The following TTLL11 variants were observed in gnomAD, a reference collection of about 807,000 sequenced individuals.
The protein encoded by TTLL11 is tubulin polyglutamylase TTLL11.
A neutral mutation model predicts 51.7 loss-of-function variants in TTLL11; 42 were observed. The ratio of observed to expected loss-of-function variants is 0.81; its 90% CI spans 0.64 to 1.05. The LOEUF (loss-of-function observed/expected upper bound fraction) is 1.05. TTLL11 is among the 50% of genes least tolerant of loss of function. The probability of loss-of-function intolerance (pLI) is 0.00; values close to 1 mark genes in which losing one functional copy is unlikely to be tolerated. For missense variants in TTLL11, 799 were observed against 940.4 expected (o/e 0.85, Z 1.97); for synonymous variants, 381 against 383.5 (o/e 0.99, Z 0.08).
intron 6 of TTLL11, among the ~76,000 whole-genome samples, chr9:121,896,288 C>T (rs912557705): frequency 1.2e-4 from 19 of 152,172 alleles, no homozygotes; most frequent in Non-Finnish European, 2.8e-4. Context: ...CGGCGCCCAA[C>T]ACGGGCTCCC....
rs202015385 is a variant in TTLL11, at chr9:121,895,184, CTCTT to C, written c.1482-24440_1482-24437del. On this transcript the variant is annotated intron_variant, in intron 6 of 8. Transcript: ENST00000321582. ...CCTACAGAGTTTTCAGAATCCTTCT[CTCTT>C]TCATCTTGAAAAGATGTCTGGAACG... is the stretch of plus-strand genomic sequence containing the variant. Among the ~76,000 whole-genome samples the C allele has an allele frequency of 2.3e-3, 356 of 152,324 alleles. 1 individual carries two copies. Among genetic ancestry groups the C allele is most frequent in the African/African-American group, 8.3e-3 (345 of 41,568 alleles).
chr9:121,952,666 T>A (rs1045638644), intron 6 of TTLL11, among the ~76,000 whole-genome samples: 1 of 152,102 alleles, frequency 6.6e-6, no homozygotes, highest in Non-Finnish European at 1.5e-5. Flanking sequence ...TAAAATGCCT[T>A]GTTTGATTGG....
intron 1 of TTLL11, among the ~76,000 whole-genome samples, chr9:122,066,754 T>A (rs553753023): frequency 3.3e-4 from 50 of 152,264 alleles, no homozygotes; most frequent in Non-Finnish European, 6.2e-4. Flanking sequence ...TTTCATACTG[T>A]TATCAAGAAC....
chr9:121,967,119 T>C (rs1842418891), intron 6 of TTLL11, among the ~76,000 whole-genome samples: 2 of 151,442 alleles, frequency 1.3e-5, no homozygotes, highest in African/African-American at 2.4e-5. Context: ...TGATCAGAGA[T>C]TGAGAACATT....
At chr9:121,874,842 C>T (rs926637978) in intron 6 of TTLL11, among the ~76,000 whole-genome samples, 2 of 151,452 alleles carry the variant, frequency 1.3e-5, no homozygotes, top group Non-Finnish European at 2.9e-5. Context: ...CTGCAACCTC[C>T]GCCTCCCGGG....
chr9:121,932,145 T>G (rs1045493102), intron 6 of TTLL11, among the ~76,000 whole-genome samples: 2 of 152,178 alleles, frequency 1.3e-5, no homozygotes, highest in Non-Finnish European at 2.9e-5. Context: ...TACGAGCCTA[T>G]GAGTTCTTGA....
intron 6 of TTLL11, among the ~76,000 whole-genome samples, chr9:121,895,429 G>A (rs1473311799): frequency 2.7e-5 from 4 of 149,276 alleles, no homozygotes; most frequent in African/African-American, 7.6e-5. Flanking sequence ...TGTGCGCTGC[G>A]TGTGTGTCTG....
intron 3 of TTLL11, among the ~76,000 whole-genome samples, chr9:122,005,556 G>A (rs2131734785): frequency 6.6e-6 from 1 of 152,296 alleles, no homozygotes; most frequent in Non-Finnish European, 1.5e-5. Context: ...ACAAGTTCTG[G>A]CTACCCTGGC....
At chr9:121,940,034 A>G (rs1841387123) in intron 6 of TTLL11, among the ~76,000 whole-genome samples, 1 of 152,184 alleles carries the variant, frequency 6.6e-6, no homozygotes. Flanking sequence ...TCCCTCCTCC[A>G]GCGTTCTGAG....
chr9:121,926,161 G>A (rs1265947941), intron 6 of TTLL11, among the ~76,000 whole-genome samples: 3 of 152,168 alleles, frequency 2.0e-5, no homozygotes, highest in Non-Finnish European at 4.4e-5. Flanking sequence ...GGAAGGAGCC[G>A]TGGTGTTTCA....
intron 1 of TTLL11, among the ~76,000 whole-genome samples, chr9:122,042,039 T>G (rs1844858272): frequency 6.6e-6 from 1 of 151,420 alleles, no homozygotes; most frequent in Admixed American, 6.6e-5. Flanking sequence ...AAACAGAGTC[T>G]TCTTCCATCA....
intron 6 of TTLL11, among the ~76,000 whole-genome samples, chr9:121,906,303 T>A (rs1228521627): frequency 6.6e-6 from 1 of 151,972 alleles, no homozygotes; most frequent in African/African-American, 2.4e-5. Flanking sequence ...GCATGGGAAC[T>A]TGGGATGTCA....
intron 6 of TTLL11, among the ~76,000 whole-genome samples, chr9:121,888,922 C>T (rs576159767): frequency 3.3e-5 from 5 of 152,200 alleles, no homozygotes; most frequent in South Asian, 4.1e-4. Flanking sequence ...GCCCAGATAG[C>T]GCTTGATAAT....
chr9:121,970,293 T>A (rs1842514856), intron 6 of TTLL11, among the ~76,000 whole-genome samples: 1 of 152,216 alleles, frequency 6.6e-6, no homozygotes, highest in South Asian at 2.1e-4. Flanking sequence ...GGCCTGCAGC[T>A]CATATAGATG....
intron 6 of TTLL11, among the ~76,000 whole-genome samples, chr9:121,966,450 G>C (rs1842401327): frequency 6.6e-6 from 1 of 152,158 alleles, no homozygotes; most frequent in African/African-American, 2.4e-5. Context: ...TCAGGAGAAG[G>C]AGCCCAATAC....
At chr9:122,062,767 CT>C (rs1354522522) in intron 1 of TTLL11, among the ~76,000 whole-genome samples, 1 of 151,880 alleles carries the variant, frequency 6.6e-6, no homozygotes, top group Non-Finnish European at 1.5e-5. Context: ...TTATGCATTT[CT>C]AGATATTAAC....
chr9:121,844,654 T>C (rs1837461447), intron 8 of TTLL11, among the ~76,000 whole-genome samples: 1 of 152,016 alleles, frequency 6.6e-6, no homozygotes, highest in African/African-American at 2.4e-5. Context: ...ATGGAAAATG[T>C]AAGGAGAAAT....
intron 6 of TTLL11, among the ~76,000 whole-genome samples, chr9:121,902,604 A>T (rs1588112216): frequency 6.7e-6 from 1 of 148,360 alleles, no homozygotes; most frequent in Non-Finnish European, 1.5e-5. Context: ...TTTTTTTTTT[A>T]AAGGTCCTTA....
At chr9:121,885,501 T>C (rs10760204) in intron 6 of TTLL11, 60,536 of 152,080 alleles carry the variant, frequency 0.4, 12,070 homozygotes, top group Middle Eastern at 0.53. Context: ...ATCCTCTTAT[T>C]TGATTCTCAC....
Sources: allele counts gnomAD v4.1 joint callset (sites outside exome capture counted in the v4.1 genomes callset), GRCh38; gene constraint gnomAD v4.1.1; transcripts MANE v1.5; gene names NCBI Gene and HGNC (gene_info 2026-07-23, HGNC 2026-07-21).